The following KCNIP4 variants were observed in gnomAD, a reference collection of about 807,000 sequenced individuals.
The protein encoded by KCNIP4 is Kv channel-interacting protein 4.
A neutral mutation model predicts 34.0 loss-of-function variants in KCNIP4; 12 were observed. The ratio of observed to expected loss-of-function variants is 0.35; its 90% CI spans 0.23 to 0.57. The LOEUF is 0.57. Ranked by LOEUF, KCNIP4 falls within the 20% of genes least tolerant of loss-of-function variation. KCNIP4 has a pLI of 0.83. For missense variants in KCNIP4, 238 were observed against 311.7 expected, an observed-to-expected ratio of 0.76 and a Z score of 1.78; for synonymous variants, 124 against 102.2, an observed-to-expected ratio of 1.21 and a Z score of -1.29.
chr4:21,147,953 AAAAAAAAG>A (rs1752488880), intron 1 of KCNIP4, among the ~76,000 whole-genome samples: 1 of 138,108 alleles, frequency 7.2e-6, no homozygotes, highest in Admixed American at 7.4e-5. Flanking sequence ...AAAAAAAAAA[AAAAAAAAG>A]AAAAAAAGTT....
intron 1 of KCNIP4, among the ~76,000 whole-genome samples, chr4:21,795,788 C>T (rs1160138118): frequency 6.6e-6 from 1 of 152,160 alleles, no homozygotes; most frequent in Non-Finnish European, 1.5e-5. Context: ...AATAAATTTC[C>T]CGGGTGTGGT....
chr4:20,789,293 C>T (rs1712420751), intron 3 of KCNIP4, among the ~76,000 whole-genome samples: 1 of 151,836 alleles, frequency 6.6e-6, no homozygotes, highest in East Asian at 1.9e-4. Context: ...TAAGAAATCT[C>T]GAAGAGATCC....
intron 3 of KCNIP4, among the ~76,000 whole-genome samples, chr4:20,835,515 C>T (rs758578914): frequency 6.6e-6 from 1 of 151,948 alleles, no homozygotes; most frequent in Non-Finnish European, 1.5e-5. Flanking sequence ...TTAATCATAC[C>T]TAAAGTATTT....
At chr4:21,946,392 G>GT (rs1730513926) in intron 1 of KCNIP4, among the ~76,000 whole-genome samples, 1 of 152,118 alleles carries the variant, frequency 6.6e-6, no homozygotes, top group Admixed American at 6.5e-5. Context: ...GTACAAGATA[G>GT]TTTGGGAGTT....
At chr4:20,951,925 G>A (rs1732826997) in intron 1 of KCNIP4, among the ~76,000 whole-genome samples, 3 of 152,120 alleles carry the variant, frequency 2.0e-5, no homozygotes. Context: ...AAGTAAATTT[G>A]TTAAAAGGCA....
chr4:21,106,138 T>C (rs568506890), intron 1 of KCNIP4, among the ~76,000 whole-genome samples: 2 of 151,760 alleles, frequency 1.3e-5, no homozygotes, highest in East Asian at 3.9e-4. Context: ...ATTCCCTCTT[T>C]TTCTATTGAT....
chr4:21,572,244 G>C lies in KCNIP4; in HGVS notation c.61+376327C>G, dbSNP rs533025709. Among the ~76,000 whole-genome samples, 7 of 152,244 alleles carry C rather than the reference G, an allele frequency of 4.6e-5. No individual in the cohort carries two copies. The East Asian group carries it at 9.7e-4, about 21-fold the overall frequency. On this transcript the variant is annotated intron_variant, in intron 1 of 8. Transcript: ENST00000382152. ...TGTGTTTTGGCTCTGTGATGTGATAGGACCAGTTTTGAATCTCCTATTTTA... is the reference window on the plus strand; with the variant it reads ...TGTGTTTTGGCTCTGTGATGTGATACGACCAGTTTTGAATCTCCTATTTTA...
At chr4:20,935,970 C>T (rs1731016360) in intron 1 of KCNIP4, among the ~76,000 whole-genome samples, 2 of 152,126 alleles carry the variant, frequency 1.3e-5, no homozygotes, top group Admixed American at 6.6e-5. Context: ...TTTTAATTCA[C>T]TTAACAATCC....
chr4:21,587,624 A>G (rs974684184), intron 1 of KCNIP4, among the ~76,000 whole-genome samples: 3 of 152,012 alleles, frequency 2.0e-5, no homozygotes, highest in African/African-American at 7.2e-5. Flanking sequence ...ATCCCAGACG[A>G]TTTTCTAACT....
chr4:21,643,832 CT>C (rs1279713598), intron 1 of KCNIP4, among the ~76,000 whole-genome samples: 4 of 147,210 alleles, frequency 2.7e-5, no homozygotes, highest in African/African-American at 1.0e-4. Context: ...TGAAATAAAT[CT>C]CTAGACTGAT....
intron 1 of KCNIP4, chr4:21,852,716 C>A (rs980864860): frequency 6.6e-5 from 10 of 152,148 alleles, no homozygotes; most frequent in African/African-American, 2.4e-4. Context: ...ACTCACTCTG[C>A]ATGCAACTGG....
chr4:20,864,487 A>G (rs1407479613), intron 2 of KCNIP4, among the ~76,000 whole-genome samples: 1 of 150,486 alleles, frequency 6.6e-6, no homozygotes, highest in Non-Finnish European at 1.5e-5. Context: ...AGATACCAAC[A>G]CAGAGAGACT....
chr4:20,880,011 A>G (rs1181964015), intron 2 of KCNIP4, among the ~76,000 whole-genome samples: 2 of 152,204 alleles, frequency 1.3e-5, no homozygotes, highest in Admixed American at 1.3e-4. Context: ...AATATACTAG[A>G]GTTATGCAAT....
chr4:21,632,800 C>T (rs114757400), intron 1 of KCNIP4, among the ~76,000 whole-genome samples: 3,940 of 152,148 alleles, frequency 0.026, 170 homozygotes, highest in African/African-American at 0.089. Flanking sequence ...GGAGGTCCAG[C>T]GTAAAGTAAT....
intron 1 of KCNIP4, among the ~76,000 whole-genome samples, chr4:21,158,794 C>T (rs1553947549): frequency 6.6e-6 from 1 of 151,088 alleles, no homozygotes; most frequent in Non-Finnish European, 1.5e-5. Context: ...AGTGCAACAA[C>T]AAAAAAAAGA....
At chr4:21,147,142 G>A (rs1752414920) in intron 1 of KCNIP4, among the ~76,000 whole-genome samples, 1 of 152,160 alleles carries the variant, frequency 6.6e-6, no homozygotes, top group Non-Finnish European at 1.5e-5. Context: ...CTGGAGGGAG[G>A]TGAGGTATTC....
At chr4:20,804,301 C>G (rs1455473622) in intron 3 of KCNIP4, among the ~76,000 whole-genome samples, 3 of 152,152 alleles carry the variant, frequency 2.0e-5, no homozygotes, top group African/African-American at 7.2e-5. Context: ...CTTGTTAGCA[C>G]TCTCTTCTCC....
At chr4:20,805,833 C>G (rs1041619506) in intron 3 of KCNIP4, among the ~76,000 whole-genome samples, 1 of 152,036 alleles carries the variant, frequency 6.6e-6, no homozygotes, top group Non-Finnish European at 1.5e-5. Context: ...CATCTCCTTA[C>G]CTGGTTCAAT....
chr4:21,634,223 C>G (rs369277975), intron 1 of KCNIP4, among the ~76,000 whole-genome samples: 1 of 112,520 alleles, frequency 8.9e-6, no homozygotes. Flanking sequence ...GTTCTTTCCT[C>G]AAAAAAAAAA....
Sources: gnomAD v4.1 joint callset for allele counts (sites outside exome capture counted in the v4.1 genomes callset) on GRCh38, gnomAD v4.1.1 for gene constraint, MANE v1.5 for transcripts, NCBI Gene and HGNC (gene_info 2026-07-23, HGNC 2026-07-21) for gene names.